HIVEP3: variants seen among roughly 807,000 people sequenced by gnomAD.
HIVEP3 encodes transcription factor HIVEP3.
HIVEP3 carries 49 observed loss-of-function variants against 152.8 expected under a neutral mutation model. The observed-to-expected ratio is 0.32, with a 90% CI of 0.26 to 0.41. The LOEUF is 0.41. Among genes scored for constraint, HIVEP3 ranks in the 10% least tolerant of loss-of-function variants. The pLI is 1.00. For synonymous variants in HIVEP3, 1,269 were observed against 1,289.0 expected (o/e 0.98, Z 0.33); for missense variants, 2,790 against 3,103.3 (o/e 0.90, Z 2.40).
In HIVEP3 at chr1:41,928,036, G is replaced by C. The variant is rs528715495; in HGVS notation, n.120-9512C>G. On this transcript the variant is annotated intron_variant and non_coding_transcript_variant, in intron 1 of 3. Transcript: ENST00000489103. Reference sequence around the variant, plus strand: ...AGATTGCAGCATTACACTCCTGCCTGGGTGACAGGGCGAGACTCCATCTCA... The same window carrying C: ...AGATTGCAGCATTACACTCCTGCCTCGGTGACAGGGCGAGACTCCATCTCA... Among the ~76,000 whole-genome samples, 56 of 143,970 alleles carry C rather than the reference G, an allele frequency of 3.9e-4. 1 individual carries two copies. The highest frequency in any genetic ancestry group is 6.3e-4 in the Non-Finnish European group (42 of 66,776). The allele number at this position is 143,970 out of a possible 152,430, so 94.4% of individuals were successfully genotyped here. A position where few individuals can be genotyped will look rare whatever the true frequency, so the allele number is the denominator to read the frequency against.
chr1:41,592,690 T>G (rs1644604815), intron 3 of HIVEP3, among the ~76,000 whole-genome samples: 1 of 152,242 alleles, frequency 6.6e-6, no homozygotes, highest in Non-Finnish European at 1.5e-5. Context: ...TGTGCTGGCC[T>G]GAGCTATAGT....
At chr1:41,715,189 C>A (rs1254782351) in intron 1 of HIVEP3, among the ~76,000 whole-genome samples, 2 of 152,230 alleles carry the variant, frequency 1.3e-5, no homozygotes, top group Non-Finnish European at 2.9e-5. Context: ...TTCTCTCCGA[C>A]CTGGGAGCTT....
intron 1 of HIVEP3, among the ~76,000 whole-genome samples, chr1:41,855,260 T>C (rs140763642): frequency 0.019 from 2,850 of 151,886 alleles, 42 homozygotes; most frequent in South Asian, 0.045. Flanking sequence ...TTGATTTGCA[T>C]TTCTCTGATG....
Position 41,576,471 on chromosome 1 carries a change from G to A in HIVEP3, c.5062-782C>T, listed in dbSNP as rs185849035. Among the ~76,000 whole-genome samples the A allele has an allele frequency of 7.7e-3, 1,168 of 152,328 alleles. 9 individuals are homozygous for A. Among genetic ancestry groups the A allele is most frequent in the Non-Finnish European group, 0.013 (873 of 68,024 alleles). Reference sequence around the variant, plus strand: ...AAGAACACGTCCTGTAAACACTGCAGTGTTGTCAGGGGTGGGTGCACTTTT... The same window carrying A: ...AAGAACACGTCCTGTAAACACTGCAATGTTGTCAGGGGTGGGTGCACTTTT... On this transcript the variant is annotated intron_variant, in intron 4 of 8. Transcript: ENST00000372583.
chr1:41,612,511 A>G (rs1355071967), intron 3 of HIVEP3, among the ~76,000 whole-genome samples: 1 of 152,196 alleles, frequency 6.6e-6, no homozygotes, highest in Non-Finnish European at 1.5e-5. Context: ...CCCTCTGGGA[A>G]GGGGCTTATC....
At chr1:41,957,553 A>T (rs1316105199) in intron 1 of HIVEP3, among the ~76,000 whole-genome samples, 1 of 152,224 alleles carries the variant, frequency 6.6e-6, no homozygotes, top group African/African-American at 2.4e-5. Context: ...GAACATCATC[A>T]TGCAAGGACA....
chr1:41,792,452 GCTGCCTGTCACCAT>G (rs1456642442), intron 1 of HIVEP3, among the ~76,000 whole-genome samples: 2 of 152,224 alleles, frequency 1.3e-5, no homozygotes, highest in Non-Finnish European at 2.9e-5. Flanking sequence ...CCGTGGTGGT[GCTGCCTGTCACCAT>G]CTGACCCTCT....
intron 1 of HIVEP3, among the ~76,000 whole-genome samples, chr1:41,782,044 C>T (rs402379): frequency 0.41 from 61,620 of 152,062 alleles, 13,775 homozygotes; most frequent in Non-Finnish European, 0.51. Flanking sequence ...GCAAGAACAA[C>T]CCAGGCGTCC....
At chr1:41,999,691 A>T (rs1645416096) in intron 1 of HIVEP3, among the ~76,000 whole-genome samples, 1 of 152,178 alleles carries the variant, frequency 6.6e-6, no homozygotes, top group Non-Finnish European at 1.5e-5. Flanking sequence ...ATTTGAATGG[A>T]ACTTTGAATG....
At chr1:41,975,811 C>A (rs980236881) in intron 1 of HIVEP3, among the ~76,000 whole-genome samples, 7 of 152,260 alleles carry the variant, frequency 4.6e-5, no homozygotes, top group Middle Eastern at 3.4e-3. Context: ...TGCCAGGGAG[C>A]ACATAAAGAG....
intron 1 of HIVEP3, among the ~76,000 whole-genome samples, chr1:41,774,839 AGGCTGGAGTGCAGT>A (rs1648594694): frequency 6.6e-6 from 1 of 150,444 alleles, no homozygotes; most frequent in Non-Finnish European, 1.5e-5. Flanking sequence ...CTCTGTCACT[AGGCTGGAGTGCAGT>A]GGCATGACCT....
At chr1:41,796,218 T>A (rs10493098) in intron 1 of HIVEP3, among the ~76,000 whole-genome samples, 1 of 152,074 alleles carries the variant, frequency 6.6e-6, no homozygotes, top group East Asian at 1.9e-4. Context: ...CACCTCTGAA[T>A]ACTGTCTGGA....
At chr1:41,806,403 AC>A (rs1270024159) in intron 1 of HIVEP3, among the ~76,000 whole-genome samples, 1 of 152,180 alleles carries the variant, frequency 6.6e-6, no homozygotes, top group Non-Finnish European at 1.5e-5. Flanking sequence ...GAAGCATGTC[AC>A]AGTGGTTGAC....
chr1:41,622,615 A>G (rs951364501), intron 3 of HIVEP3, among the ~76,000 whole-genome samples: 4 of 152,230 alleles, frequency 2.6e-5, no homozygotes, highest in Non-Finnish European at 4.4e-5. Context: ...TGCCCGGCAA[A>G]GCTTCAAATA....
intron 3 of HIVEP3, among the ~76,000 whole-genome samples, chr1:41,605,753 TG>T (rs1644814355): frequency 6.6e-6 from 1 of 151,684 alleles, no homozygotes; most frequent in Non-Finnish European, 1.5e-5. Context: ...AGAAAGATGC[TG>T]GGGAAACCCT....
At chr1:41,671,887 T>C (rs527833334) in intron 2 of HIVEP3, among the ~76,000 whole-genome samples, 33 of 152,158 alleles carry the variant, frequency 2.2e-4, no homozygotes, top group Admixed American at 2.1e-3. Context: ...CAGGAAAAGC[T>C]ATGGAGGCAG....
intron 1 of HIVEP3, among the ~76,000 whole-genome samples, chr1:41,705,298 A>G (rs1646416652): frequency 1.3e-5 from 2 of 152,144 alleles, no homozygotes; most frequent in African/African-American, 4.8e-5. Context: ...GCAATGATGC[A>G]GCCTCTGGAA....
At chr1:42,028,682 C>A (rs1645595624) in intron 1 of HIVEP3, among the ~76,000 whole-genome samples, 1 of 152,218 alleles carries the variant, frequency 6.6e-6, no homozygotes, top group African/African-American at 2.4e-5. Context: ...CCTCCCCAGG[C>A]TTCTACAAAG....
chr1:41,510,750 G>T lies in HIVEP3; in HGVS notation c.6922C>A (p.Pro2308Thr). ...APAEPTPTHS[P>T]CTPPDTLPRP... is the part of the protein sequence containing the mutation. ...GGCAAGGTGTCGGGTGGGGTGCAGG[G>T]GCTGTGCGTGGGTGTGGGCTCTGCA... Residue 2308 changes from proline (P) to threonine (T), a missense_variant, in exon 9 of 9, where the codon CCC becomes ACC. By Grantham distance (38) the Pro-to-Thr change is conservative. Around this residue, in one of 9 missense-constraint regions of HIVEP3, gnomAD observed 816 missense variants for 806.5 expected, o/e 1.01. Transcript: ENST00000372583. 19 of 1,581,290 alleles carry T rather than the reference G, an allele frequency of 1.2e-5. No individual in the cohort carries two copies. Among genetic ancestry groups the T allele is most frequent in the Non-Finnish European group, 1.5e-5 (18 of 1,163,654 alleles).
Sources: gnomAD v4.1 joint callset for allele counts (sites outside exome capture counted in the v4.1 genomes callset) on GRCh38, gnomAD v4.1.1 for gene constraint, gnomAD v4.1.1 regional missense constraint, MANE v1.5 for transcripts, NCBI Gene and HGNC (gene_info 2026-07-23, HGNC 2026-07-21) for gene names.